The following ARPIN variants were observed in gnomAD, a reference collection of about 807,000 sequenced individuals.
ARPIN encodes actin related protein 2/3 complex inhibitor.
Under a neutral mutation model 25.9 loss-of-function variants are expected in ARPIN, and 23 were observed. The ratio of observed to expected loss-of-function variants is 0.89; its 90% CI spans 0.64 to 1.26. The LOEUF is 1.26. ARPIN is among the 50% of genes most tolerant of loss of function. The probability of loss-of-function intolerance (pLI) is 0.00; values close to 1 mark genes in which losing one functional copy is unlikely to be tolerated. For missense variants in ARPIN, 333 were observed against 312.2 expected (o/e 1.07, Z -0.50); for synonymous variants, 126 against 131.4 (o/e 0.96, Z 0.28).
chr15:89,908,774 G>A (rs973585436), intron 2 of ARPIN, among the ~76,000 whole-genome samples: 1 of 152,032 alleles, frequency 6.6e-6, no homozygotes, highest in Non-Finnish European at 1.5e-5. Flanking sequence ...ACGAGGTCAG[G>A]AGTTCGAGAC....
intron 1 of ARPIN, 32 bp from the exon 2 acceptor site, chr15:89,910,851 G>GT: frequency 3.1e-6 from 5 of 1,612,634 alleles, no homozygotes; most frequent in Non-Finnish European, 4.2e-6. Flanking sequence ...AGGATAGCCA[G>GT]TTTTGTCAGT....
intron 1 of ARPIN, chr15:89,912,115 C>T: frequency 1.2e-6 from 1 of 854,340 alleles, no homozygotes; most frequent in Non-Finnish European, 1.4e-6. Context: ...ACCACAGCGC[C>T]TGGTCTGTTC....
chr15:89,902,939 T>C, intron 5 of ARPIN: 1 of 1,379,578 alleles, frequency 7.2e-7, no homozygotes, highest in South Asian at 1.6e-5. Context: ...TTAATGACCA[T>C]GATTAATATC....
At chr15:89,912,360 C>G in intron 1 of ARPIN, 4 of 1,020,118 alleles carry the variant, frequency 3.9e-6, no homozygotes, top group Non-Finnish European at 4.7e-6. Context: ...AGCACGGCCA[C>G]TGTCCCTTCT....
chr15:89,903,133 T>C (rs1417356382), intron 5 of ARPIN, 83 bp downstream of exon 5: 2 of 1,613,232 alleles, frequency 1.2e-6, no homozygotes, highest in African/African-American at 2.7e-5. Context: ...CATCCTGTCG[T>C]CTTCTCATCC....
chr15:89,912,554 T>C (rs1897243939), intron 1 of ARPIN, 190 bp downstream of exon 1: 1 of 1,347,578 alleles, frequency 7.4e-7, no homozygotes, highest in South Asian at 1.8e-5. Flanking sequence ...ATCTGTGTCA[T>C]GGGGTCGCTG....
At chr15:89,902,932 A>T in intron 5 of ARPIN, 1 of 1,363,720 alleles carries the variant, frequency 7.3e-7, no homozygotes, top group Non-Finnish European at 9.5e-7. Flanking sequence ...TTGAGACTTA[A>T]TGACCATGAT....
At chr15:89,911,031 A>C (rs988510058) in intron 1 of ARPIN, among the ~76,000 whole-genome samples, 35 of 152,138 alleles carry the variant, frequency 2.3e-4, no homozygotes, top group African/African-American at 8.2e-4. Context: ...AGATCAAGCT[A>C]TGGCCCCCTC....
intron 1 of ARPIN, chr15:89,912,477 C>A (rs1897242021): frequency 8.0e-7 from 1 of 1,255,080 alleles, no homozygotes; most frequent in Non-Finnish European, 1.0e-6. Flanking sequence ...GCCCAGCCTT[C>A]GGAGACCTGT....
chr15:89,906,244 C>T (rs17242083), intron 3 of ARPIN, among the ~76,000 whole-genome samples: 113,362 of 152,040 alleles, frequency 0.75, 42,344 homozygotes, highest in East Asian at 0.81. Flanking sequence ...GACCTGATCA[C>T]ATCACCTGCC....
intron 3 of ARPIN, among the ~76,000 whole-genome samples, chr15:89,907,490 G>A (rs534526819): frequency 6.6e-6 from 1 of 152,344 alleles, no homozygotes; most frequent in Admixed American, 6.5e-5. Context: ...GTGCTTTACA[G>A]AAGAGATTGA....
At chr15:89,909,019 A>T (rs1449314004) in intron 2 of ARPIN, among the ~76,000 whole-genome samples, 1 of 152,060 alleles carries the variant, frequency 6.6e-6, no homozygotes, top group Non-Finnish European at 1.5e-5. Context: ...ACCATAACCC[A>T]AGCCCGAGGA....
chr15:89,909,411 TA>T (rs1340564358), intron 2 of ARPIN, among the ~76,000 whole-genome samples: 1 of 152,044 alleles, frequency 6.6e-6, no homozygotes, highest in Non-Finnish European at 1.5e-5. Flanking sequence ...GGAATAATAT[TA>T]AAAGCCTGGG....
chr15:89,895,415 A>T lies in ARPIN; in HGVS notation c.*6380T>A, dbSNP rs536687089. On this transcript the variant is annotated 3_prime_UTR_variant, in exon 6 of 6. Coordinates refer to ENST00000357484, the MANE Select transcript of ARPIN (RefSeq NM_182616.4). ...AGTCAGGGTGTTTGATCTGTACAGG[A>T]CCCTGGAACCACACTGCCCTGATTC... The T allele has an allele frequency of 9.8e-5, 15 of 152,324 alleles. No individual in the cohort carries two copies. Among genetic ancestry groups the T allele is most frequent in the African/African-American group, 3.4e-4 (14 of 41,578 alleles). The allele number at this position is 152,324 out of a possible 1,614,324, so 9.4% of individuals were successfully genotyped here.
At chr15:89,902,451 G>T (rs1897038524) in intron 5 of ARPIN, among the ~76,000 whole-genome samples, 1 of 151,654 alleles carries the variant, frequency 6.6e-6, no homozygotes, top group African/African-American at 2.4e-5. Flanking sequence ...TCATTTTGGG[G>T]CCTTATGACA....
chr15:89,908,898 G>A (rs1241966290), intron 2 of ARPIN, among the ~76,000 whole-genome samples: 9 of 152,118 alleles, frequency 5.9e-5, no homozygotes, highest in East Asian at 1.9e-4. Flanking sequence ...CAGGAGAATC[G>A]CTTGAGCCCA....
At chr15:89,902,316 G>A (rs894823735) in intron 5 of ARPIN, among the ~76,000 whole-genome samples, 1 of 152,178 alleles carries the variant, frequency 6.6e-6, no homozygotes, top group Non-Finnish European at 1.5e-5. Flanking sequence ...GCTGAGGCAG[G>A]AGAATTGCTT....
chr15:89,912,659 C>CCCCTTG, intron 1 of ARPIN, 85 bp downstream of exon 1: 3 of 1,161,502 alleles, frequency 2.6e-6, no homozygotes, highest in Non-Finnish European at 1.1e-6. Flanking sequence ...TTCCCCCACC[C>CCCCTTG]GCATCCCACC....
At position 89,898,603 on chromosome 15, in the gene ARPIN, T is replaced by C. The variant is rs906614293; in HGVS notation, c.*3192A>G. 6.6e-6 allele frequency: 1 copy of C among 152,206 alleles called. No individual in the cohort carries two copies. Among genetic ancestry groups the C allele is most frequent in the African/African-American group, 2.4e-5 (1 of 41,442 alleles). 9.4% of individuals were successfully genotyped at this position (152,206 alleles called of 1,614,324 possible). A position where few individuals can be genotyped will look rare whatever the true frequency, so the allele number is the denominator to read the frequency against. Reference sequence around the variant, plus strand: ...TCATAGAAACACCACCACTTTTTGTTTCTAGCCCTATTAACAACCTGTGGA... The same window carrying C: ...TCATAGAAACACCACCACTTTTTGTCTCTAGCCCTATTAACAACCTGTGGA... On this transcript the variant is annotated 3_prime_UTR_variant, in exon 6 of 6. Transcript: ENST00000357484.
Sources: allele counts gnomAD v4.1 joint callset (sites outside exome capture counted in the v4.1 genomes callset), GRCh38; gene constraint gnomAD v4.1.1; transcripts MANE v1.5; gene names NCBI Gene and HGNC (gene_info 2026-07-23, HGNC 2026-07-21).